The following EVL variants were observed in gnomAD, a reference collection of about 807,000 sequenced individuals.
The protein encoded by EVL is ena/VASP-like protein.
A neutral mutation model predicts 59.6 loss-of-function variants in EVL; 21 were observed. That is an observed-to-expected ratio of 0.35 (90% CI 0.25 to 0.51). The LOEUF (loss-of-function observed/expected upper bound fraction) is 0.51, where lower values mean the gene tolerates loss of function less well. Ranked by LOEUF, EVL falls within the 20% of genes least tolerant of loss-of-function variation. The probability of loss-of-function intolerance (pLI) is 0.97; values close to 1 mark genes in which losing one functional copy is unlikely to be tolerated. For synonymous variants in EVL, 198 were observed against 203.5 expected, an observed-to-expected ratio of 0.97 and a Z score of 0.23; for missense variants, 462 against 546.6, an observed-to-expected ratio of 0.85 and a Z score of 1.54.
At chr14:100,063,321 CAG>C (rs2061869307), upstream of EVL, among the ~76,000 whole-genome samples, 1 of 152,122 alleles carries the variant, frequency 6.6e-6, no homozygotes, top group Non-Finnish European at 1.5e-5. Context: ...TGAAAGTGGA[CAG>C]AGGGGCTATG....
intron 1 of EVL, among the ~76,000 whole-genome samples, chr14:99,995,034 C>T (rs1328152726): frequency 6.6e-6 from 1 of 152,176 alleles, no homozygotes. Context: ...ATAGGAGCTT[C>T]CTTATACATG....
At chr14:100,058,902 A>G (rs776576865) in intron 1 of EVL, among the ~76,000 whole-genome samples, 12 of 152,118 alleles carry the variant, frequency 7.9e-5, no homozygotes, top group Non-Finnish European at 1.2e-4. Flanking sequence ...CAAAAGGTTC[A>G]CTCTTACCTG....
rs2060736678 is a variant in EVL, at chr14:99,972,013, G to GCCGT, written c.-40_-39insCCGT. ...CCCGCCGCCGCCGCCGCCGCCGCCG[G>GCCGT]GTCGCCCCTGGCCCGGCGCGCCCGT... On this transcript the variant is annotated 5_prime_UTR_variant, in exon 1 of 14. Transcript: ENST00000402714. This position sits in a 1 kb window ranked among gnomAD's most constrained non-coding sequence, Gnocchi z 4.4. 2.9e-5 allele frequency: 5 copies of GCCGT among 171,462 alleles called. No homozygotes were observed. Among genetic ancestry groups the GCCGT allele is most frequent in the Admixed American group, 6.7e-5 (1 of 15,010 alleles). The allele number at this position is 171,462 out of a possible 1,614,324, so 10.6% of individuals were successfully genotyped here. A position where few individuals can be genotyped will look rare whatever the true frequency, so the allele number is the denominator to read the frequency against.
At chr14:100,142,556 C>T (rs1889248003) in intron 13 of EVL, among the ~76,000 whole-genome samples, 1 of 152,186 alleles carries the variant, frequency 6.6e-6, no homozygotes, top group Non-Finnish European at 1.5e-5. Context: ...GTCTGGCCCC[C>T]AGGGCATCAC....
chr14:100,110,993 A>G (rs879340926), intron 3 of EVL, among the ~76,000 whole-genome samples: 1 of 152,054 alleles, frequency 6.6e-6, no homozygotes, highest in African/African-American at 2.4e-5. Flanking sequence ...TGTGCCTGCC[A>G]TGGTCAGCAC....
intron 2 of EVL, among the ~76,000 whole-genome samples, chr14:100,093,760 T>C (rs1040660104): frequency 2.6e-5 from 4 of 152,170 alleles, no homozygotes; most frequent in African/African-American, 7.2e-5. Context: ...GAGGGAATTA[T>C]AGGAAGAAGG....
intron 9 of EVL, 115 bp from the exon 10 acceptor site, chr14:100,137,462 CG>C (rs1314989254): frequency 2.7e-6 from 3 of 1,093,010 alleles, no homozygotes; most frequent in Admixed American, 1.8e-5. Flanking sequence ...CTTCCTGCCA[CG>C]GGGCTCTGCA....
rs948756756 is a variant in EVL at position 100,068,686 on chromosome 14, A to G, written c.11+3175A>G. On this transcript the variant is annotated intron_variant, in intron 1 of 13. Transcript: ENST00000392920. Reference sequence around the variant, plus strand: ...CCTCCAGGACTATCTGGTGGATCACACATGGGCGTGGGGGAAACATGAGTC... The same window carrying G: ...CCTCCAGGACTATCTGGTGGATCACGCATGGGCGTGGGGGAAACATGAGTC... Among the ~76,000 whole-genome samples, 12 of 152,298 alleles carry G rather than the reference A, an allele frequency of 7.9e-5. No homozygotes were observed. In the South Asian group the frequency reaches 1.0e-3, roughly 13 times the overall value.
At chr14:99,983,428 A>G (rs562912520) in intron 1 of EVL, among the ~76,000 whole-genome samples, 1 of 152,174 alleles carries the variant, frequency 6.6e-6, no homozygotes, top group Non-Finnish European at 1.5e-5. Flanking sequence ...TTGGGTAATA[A>G]AGGAGAGACA....
chr14:100,062,400 A>C (rs1459408765), upstream of EVL, among the ~76,000 whole-genome samples: 1 of 152,104 alleles, frequency 6.6e-6, no homozygotes, highest in African/African-American at 2.4e-5. Context: ...AAAGTTAAGA[A>C]TGTATATTGT....
chr14:100,059,525 G>A (rs757577482), intron 1 of EVL, among the ~76,000 whole-genome samples: 4 of 152,212 alleles, frequency 2.6e-5, no homozygotes, highest in Non-Finnish European at 4.4e-5. Flanking sequence ...TGTACAGAGT[G>A]AGATTCTTCA....
At chr14:99,979,863 C>A (rs951478068) in intron 1 of EVL, among the ~76,000 whole-genome samples, 1 of 152,118 alleles carries the variant, frequency 6.6e-6, no homozygotes, top group Non-Finnish European at 1.5e-5. Flanking sequence ...GAGCGAGACT[C>A]CGTCTCAAAA....
intron 1 of EVL, among the ~76,000 whole-genome samples, chr14:100,007,763 T>G (rs2060992192): frequency 6.6e-6 from 1 of 151,734 alleles, no homozygotes; most frequent in African/African-American, 2.4e-5. Flanking sequence ...ATAGATACTT[T>G]CAGAGAGAGA....
In EVL at chr14:100,137,732, T is replaced by C. The variant is rs1283411768; in HGVS notation, c.1032-8T>C. ...GATTCACATGTCTGTTTCATTCCAT[T>C]GCCGTAGAACCCCGTCTGTGGCAAA... On this transcript the variant is annotated splice_region_variant and splice_polypyrimidine_tract_variant and intron_variant, in intron 10 of 13. Coordinates refer to ENST00000392920, the MANE Select transcript of EVL (RefSeq NM_016337.3). 1.9e-6 allele frequency: 3 copies of C among 1,614,046 alleles called. No individual in the cohort carries two copies. The highest frequency in any genetic ancestry group is 2.2e-5 in the South Asian group (2 of 91,078).
rs929717036 is a variant in EVL at position 100,091,791 on chromosome 14, C to T, written c.181-5690C>T. ...AAGCACAAGTCACAACCTGCACTTGCGACTGGCATCTGAAGTTGGGGTAGT... is the reference window on the plus strand; with the variant it reads ...AAGCACAAGTCACAACCTGCACTTGTGACTGGCATCTGAAGTTGGGGTAGT... On this transcript the variant is annotated intron_variant, in intron 2 of 13. Coordinates refer to ENST00000392920, the MANE Select transcript of EVL (RefSeq NM_016337.3). 4.6e-5 allele frequency among the ~76,000 whole-genome samples: 7 copies of T among 152,168 alleles called. No individual in the cohort carries two copies. The East Asian group carries it at 9.6e-4, about 21-fold the overall frequency.
At chr14:100,018,951 G>A (rs1234743792) in intron 1 of EVL, among the ~76,000 whole-genome samples, 3 of 152,024 alleles carry the variant, frequency 2.0e-5, no homozygotes, top group Admixed American at 6.5e-5. Context: ...GGTGAGAACC[G>A]GGTACCTACT....
At chr14:100,087,052 G>A (rs111355236) in intron 2 of EVL, among the ~76,000 whole-genome samples, 2,342 of 152,256 alleles carry the variant, frequency 0.015, 66 homozygotes, top group African/African-American at 0.054. Flanking sequence ...AAGATTCCTG[G>A]TTTTATAACT....
At chr14:100,113,067 G>C (rs1887104905) in intron 3 of EVL, among the ~76,000 whole-genome samples, 1 of 152,204 alleles carries the variant, frequency 6.6e-6, no homozygotes. Context: ...GAAGGGGAGA[G>C]CTACTGGGAG....
At position 100,137,499 on chromosome 14, in the gene EVL, G is replaced by T. The variant is rs541655726; in HGVS notation, c.965-79G>T. ...CCCTTGGCATGGGTGAGGGCTTCCT[G>T]TTGGGGTGTTTAGGGGATTGGGGTG... On this transcript the variant is annotated intron_variant, in intron 9 of 13. Coordinates refer to ENST00000392920, the MANE Select transcript of EVL (RefSeq NM_016337.3). The T allele has an allele frequency of 4.1e-6, 6 of 1,477,232 alleles. No individual in the cohort carries two copies. The East Asian group carries it at 1.4e-4, about 33-fold the overall frequency. The allele number at this position is 1,477,232 out of a possible 1,614,324, so 91.5% of individuals were successfully genotyped here.
Sources: allele counts gnomAD v4.1 joint callset (sites outside exome capture counted in the v4.1 genomes callset), GRCh38; gene constraint gnomAD v4.1.1; non-coding constraint Gnocchi (gnomAD v3.1); transcripts MANE v1.5; gene names NCBI Gene and HGNC (gene_info 2026-07-23, HGNC 2026-07-21).